Variants in CFAP251 observed in about 807,000 individuals in gnomAD.
CFAP251 encodes cilia and flagella associated protein 251, also known as cilia- and flagella-associated protein 251.
Under a neutral mutation model 126.7 loss-of-function variants are expected in CFAP251, and 93 were observed. The observed-to-expected ratio is 0.73, with a 90% CI of 0.62 to 0.87. The LOEUF (loss-of-function observed/expected upper bound fraction) is 0.87. Among genes scored for constraint, CFAP251 ranks in the 40% least tolerant of loss-of-function variants. The pLI, the probability that CFAP251 is intolerant of heterozygous loss-of-function variation, is 0.00. For missense variants in CFAP251, 1,287 were observed against 1,389.2 expected (o/e 0.93, Z 1.17); for synonymous variants, 503 against 506.9 (o/e 0.99, Z 0.10).
Position 121,958,414 on chromosome 12 carries a change from A to G in CFAP251, c.1873A>G (p.Ser625Gly). 6.2e-7 allele frequency: 1 copy of G among 1,614,248 alleles called. No homozygotes were observed. The highest frequency in any genetic ancestry group is 8.5e-7 in the Non-Finnish European group (1 of 1,180,046). Residue 625 changes from serine to glycine, a missense_variant, in exon 12 of 22, where the codon AGC becomes GGC. Ser to Gly is a moderately conservative substitution (Grantham distance 56). Coordinates refer to ENST00000288912, the MANE Select transcript of CFAP251 (RefSeq NM_144668.6). ...ATATCAACCCCTCATTGCCATCGGG[A>G]GCATCTGTGGGATGATCAAAGTGTG... ...HPYQPLIAIG[S>G]ICGMIKVWNY...
At chr12:121,935,628 G>A (rs1421395685) in intron 5 of CFAP251, among the ~76,000 whole-genome samples, 2 of 152,188 alleles carry the variant, frequency 1.3e-5, no homozygotes, top group Non-Finnish European at 2.9e-5. Flanking sequence ...TGGTTTTCTC[G>A]TGATAAGCCT....
intron 3 of CFAP251, among the ~76,000 whole-genome samples, chr12:121,928,682 ATATATACGTATATATATATATATTT>A (rs1880546614): frequency 4.8e-5 from 2 of 41,798 alleles, no homozygotes; most frequent in Non-Finnish European, 1.6e-4. Context: ...ATATATATAT[ATATATACGTATATATATATATATTT>A]TTTTTTTGAG....
In CFAP251 at chr12:121,975,691, G is replaced by T; in HGVS notation, c.3006+6G>T. The T allele has an allele frequency of 6.4e-7, 1 of 1,554,716 alleles. No individual in the cohort carries two copies. The highest frequency in any genetic ancestry group is 2.2e-5 in the Admixed American group (1 of 44,874). The stretch of plus-strand genomic sequence containing the variant: ...TTTACCCATCTGAAGAGAAGGTAGG[G>T]AGAACGAAAACAAGAGCAGCAACGG... On this transcript the variant is annotated splice_donor_region_variant and intron_variant, in intron 19 of 21. Coordinates refer to ENST00000288912, the MANE Select transcript of CFAP251 (RefSeq NM_144668.6).
chr12:121,962,233 C>T, intron 15 of CFAP251, 71 bp downstream of exon 15: 1 of 1,449,226 alleles, frequency 6.9e-7, no homozygotes, highest in Non-Finnish European at 9.5e-7. Flanking sequence ...TTTCAGGTCT[C>T]CACATAGGGA....
chr12:121,940,482 T>G (rs930022670), intron 5 of CFAP251, among the ~76,000 whole-genome samples: 1 of 152,144 alleles, frequency 6.6e-6, no homozygotes, highest in Non-Finnish European at 1.5e-5. Flanking sequence ...TAGCGTGACA[T>G]ACAGAGATGC....
intron 15 of CFAP251, 101 bp downstream of exon 15, chr12:121,962,263 C>G (rs1318552767): frequency 1.9e-6 from 2 of 1,064,470 alleles, no homozygotes; most frequent in East Asian, 4.7e-5. Context: ...AGCTTGGCTA[C>G]TATTATCATC....
chr12:122,001,658 C>T (rs767517880), intron 21 of CFAP251, 60 bp downstream of exon 21: 6 of 1,325,710 alleles, frequency 4.5e-6, no homozygotes, highest in Non-Finnish European at 6.5e-6. Context: ...TTGTAGACTT[C>T]AGTACATTTA....
chr12:121,986,495 G>C (rs1257870479), intron 19 of CFAP251, among the ~76,000 whole-genome samples: 2 of 148,646 alleles, frequency 1.3e-5, no homozygotes, highest in Non-Finnish European at 3.0e-5. Context: ...TAGAGACGGG[G>C]TTTCACCGTC....
At chr12:121,945,487 G>A (rs974877383) in intron 7 of CFAP251, among the ~76,000 whole-genome samples, 14 of 151,520 alleles carry the variant, frequency 9.2e-5, no homozygotes, top group African/African-American at 3.2e-4. Context: ...GGGACTACAG[G>A]CACGTGCCAC....
intron 19 of CFAP251, among the ~76,000 whole-genome samples, chr12:121,984,977 A>T (rs117900019): frequency 6.6e-6 from 1 of 152,278 alleles, no homozygotes; most frequent in Non-Finnish European, 1.5e-5. Flanking sequence ...ATGTTGATGG[A>T]ATGAGTGAAT....
At chr12:122,000,917 G>A (rs1052898592) in intron 20 of CFAP251, among the ~76,000 whole-genome samples, 20 of 151,942 alleles carry the variant, frequency 1.3e-4, no homozygotes, top group South Asian at 4.1e-4. Context: ...GGGGCTGGGC[G>A]CAGTGGCTCA....
At position 122,003,799 on chromosome 12, in the gene CFAP251, G is replaced by A; in HGVS notation, c.*35G>A. On this transcript the variant is annotated 3_prime_UTR_variant, in exon 22 of 22. Coordinates refer to ENST00000288912, the MANE Select transcript of CFAP251 (RefSeq NM_144668.6). ...GAATGTTTAAAGCACAAAGGACTTT[G>A]GGTGTGTGTGCATGCACATGTGTGT... 1 of 1,536,096 alleles carries A rather than the reference G, an allele frequency of 6.5e-7. No homozygotes were observed. Among genetic ancestry groups the A allele is most frequent in the Non-Finnish European group, 8.8e-7 (1 of 1,130,918 alleles).
chr12:121,923,283 GA>G (rs1880267510), intron 2 of CFAP251, among the ~76,000 whole-genome samples: 1 of 151,868 alleles, frequency 6.6e-6, no homozygotes, highest in Non-Finnish European at 1.5e-5. Flanking sequence ...TCAGCCTCCT[GA>G]GTAGCTGGGG....
At chr12:121,973,712 C>T (rs1882390817) in intron 17 of CFAP251, among the ~76,000 whole-genome samples, 1 of 152,176 alleles carries the variant, frequency 6.6e-6, no homozygotes. Context: ...TGACTGCCCT[C>T]CTGGATTTCA....
chr12:121,933,294 C>G (rs1880762570), intron 4 of CFAP251: 1 of 152,412 alleles, frequency 6.6e-6, no homozygotes, highest in South Asian at 2.1e-4. Context: ...GCGAATGAGC[C>G]AGCCAAAGAC....
intron 19 of CFAP251, chr12:121,999,472 T>G: frequency 3.3e-6 from 1 of 298,540 alleles, no homozygotes; most frequent in South Asian, 4.9e-5. Context: ...ACTTCCAGGG[T>G]TCAAGTGATT....
chr12:121,969,308 C>G (rs1332153069), intron 17 of CFAP251: 113 of 985,296 alleles, frequency 1.1e-4, no homozygotes, highest in Non-Finnish European at 1.3e-4. Flanking sequence ...ACTTCCACCC[C>G]ACCTTCACCT....
chr12:121,989,497 GCAGAGGGGGCGCTCA>G lies in CFAP251; in HGVS notation c.3007-10215_3007-10201del, dbSNP rs1230717240. ...TTGGGGTCACAGTGTTGCATGAATC[GCAGAGGGGGCGCTCA>G]CAGGGGTCTCCAGATGTGGCCATGC... On this transcript the variant is annotated intron_variant, in intron 19 of 21. Coordinates refer to ENST00000288912, the MANE Select transcript of CFAP251 (RefSeq NM_144668.6). The surrounding 1 kb of genome is among the most constrained non-coding windows in gnomAD (Gnocchi z 4.2). 6.6e-6 allele frequency among the ~76,000 whole-genome samples: 1 copy of G among 152,222 alleles called. No homozygotes were observed. The highest frequency in any genetic ancestry group is 1.5e-5 in the Non-Finnish European group (1 of 68,034).
rs1053460507 is a variant in CFAP251, at chr12:121,989,701, C to T, written c.3007-10015C>T. ...TGAGAATGTTCTAGAGGGTATTGTG[C>T]GTTGGGAAGAGGGCGTGGGGAAGAG... On this transcript the variant is annotated intron_variant, in intron 19 of 21. Coordinates refer to ENST00000288912, the MANE Select transcript of CFAP251 (RefSeq NM_144668.6). This position sits in a 1 kb window ranked among gnomAD's most constrained non-coding sequence, Gnocchi z 4.2. Among the ~76,000 whole-genome samples the T allele has an allele frequency of 6.6e-6, 1 of 152,054 alleles. No homozygotes were observed. The highest frequency in any genetic ancestry group is 1.5e-5 in the Non-Finnish European group (1 of 67,998).
Sources: allele counts gnomAD v4.1 joint callset (sites outside exome capture counted in the v4.1 genomes callset), GRCh38; gene constraint gnomAD v4.1.1; non-coding constraint Gnocchi (gnomAD v3.1); transcripts MANE v1.5; gene names NCBI Gene and HGNC (gene_info 2026-07-23, HGNC 2026-07-21).